Variants in LCA5L observed in about 807,000 individuals in gnomAD.
LCA5L encodes lebercilin LCA5 like.
In LCA5L, 35 loss-of-function variants were observed where a neutral mutation model predicts 45.4. The observed-to-expected ratio is 0.77, with a 90% CI of 0.59 to 1.02. LCA5L has a LOEUF of 1.02. Among genes scored for constraint, LCA5L ranks in the 50% least tolerant of loss-of-function variants. The pLI, the probability that LCA5L is intolerant of heterozygous loss-of-function variation, is 0.00. For synonymous variants in LCA5L, 233 were observed against 264.7 expected, an observed-to-expected ratio of 0.88 and a Z score of 1.16; for missense variants, 668 against 761.6, an observed-to-expected ratio of 0.88 and a Z score of 1.45.
chr21:39,416,317 C>T (rs1028451451), intron 7 of LCA5L, among the ~76,000 whole-genome samples: 2 of 152,182 alleles, frequency 1.3e-5, no homozygotes, highest in Admixed American at 1.3e-4. Flanking sequence ...TAAGTTTTAA[C>T]CTGGGCAGTT....
chr21:39,411,175 A>G, intron 8 of LCA5L: 1 of 273,518 alleles, frequency 3.7e-6, no homozygotes, highest in South Asian at 3.7e-5. Flanking sequence ...AACCTAGGCT[A>G]TTGTGACCAA....
chr21:39,420,949 C>A, intron 6 of LCA5L, 106 bp from the exon 7 acceptor site: 1 of 835,374 alleles, frequency 1.2e-6, no homozygotes, highest in East Asian at 2.6e-5. Context: ...ATTTTCAATA[C>A]AATTTTAGTG....
chr21:39,434,270 G>A (rs187398566), intron 3 of LCA5L, among the ~76,000 whole-genome samples: 1 of 152,098 alleles, frequency 6.6e-6, no homozygotes, highest in Admixed American at 6.5e-5. Context: ...CCTGAATGCA[G>A]GTATCAAGTA....
chr21:39,408,258 G>A (rs926532616), intron 10 of LCA5L, among the ~76,000 whole-genome samples: 6 of 152,150 alleles, frequency 3.9e-5, no homozygotes, highest in African/African-American at 1.4e-4. Flanking sequence ...TCAAGTGTAA[G>A]GGCAGAATAA....
At chr21:39,445,139 T>C (rs1307747491) in intron 1 of LCA5L, among the ~76,000 whole-genome samples, 1 of 151,870 alleles carries the variant, frequency 6.6e-6, no homozygotes, top group Non-Finnish European at 1.5e-5. Flanking sequence ...GGCTTAAGTG[T>C]GGCAACGAAA....
rs59061269 is a variant in LCA5L, at chr21:39,424,085, T to A, written c.323-595A>T. Among the ~76,000 whole-genome samples, 1,459 of 152,234 alleles carry A rather than the reference T, an allele frequency of 9.6e-3. 28 individuals carry two copies. The highest frequency in any genetic ancestry group is 0.033 in the African/African-American group (1,388 of 41,548). ...TGGAGTGTAGTGGTGCAACCTTGGC[T>A]CACTGCAACCTCTGCATCCCGGGTT... is the stretch of plus-strand genomic sequence containing the variant. On this transcript the variant is annotated intron_variant, in intron 5 of 10. Transcript: ENST00000288350.
chr21:39,444,949 G>T (rs2077288985), intron 1 of LCA5L, among the ~76,000 whole-genome samples: 1 of 152,128 alleles, frequency 6.6e-6, no homozygotes, highest in Non-Finnish European at 1.5e-5. Flanking sequence ...CTAAATGCAG[G>T]GATCTGGTGT....
At chr21:39,418,318 T>C (rs1213640038) in intron 7 of LCA5L, among the ~76,000 whole-genome samples, 2 of 152,136 alleles carry the variant, frequency 1.3e-5, no homozygotes, top group East Asian at 1.9e-4. Context: ...TATTCCATAG[T>C]AGTACATCAA....
chr21:39,421,778 G>A lies in LCA5L; in HGVS notation c.838-935C>T, dbSNP rs145661880. 60 of 152,286 alleles carry A rather than the reference G, an allele frequency of 3.9e-4. No homozygotes were observed. In the East Asian group the frequency reaches 9.1e-3, roughly 23 times the overall value. The allele number at this position is 152,286 out of a possible 1,614,324, so 9.4% of individuals were successfully genotyped here. On this transcript the variant is annotated intron_variant, in intron 6 of 10. Transcript: ENST00000288350. ...AAATACCACTCCCTAAAACATTAAT[G>A]TTAAAGAAATAACATGTTTTGGTCC...
chr21:39,444,918 A>G (rs1276458747), intron 1 of LCA5L, among the ~76,000 whole-genome samples: 5 of 152,072 alleles, frequency 3.3e-5, no homozygotes, highest in Non-Finnish European at 7.3e-5. Context: ...GTAGACATCC[A>G]AGTAGGGATG....
At chr21:39,437,605 A>G (rs1196365920) in intron 2 of LCA5L, among the ~76,000 whole-genome samples, 3 of 152,070 alleles carry the variant, frequency 2.0e-5, no homozygotes, top group East Asian at 3.9e-4. Flanking sequence ...GACTACAGGC[A>G]CGTGCCACCA....
intron 8 of LCA5L, chr21:39,411,233 A>AG (rs2147196935): frequency 4.5e-6 from 1 of 223,048 alleles, no homozygotes; most frequent in Admixed American, 5.4e-5. Context: ...TACTGACTGC[A>AG]GGGGACACGA....
At chr21:39,410,627 G>C (rs184835260) in intron 8 of LCA5L, among the ~76,000 whole-genome samples, 2 of 152,272 alleles carry the variant, frequency 1.3e-5, no homozygotes, top group East Asian at 3.9e-4. Context: ...TGGAGGACAA[G>C]GCTGTCCTTT....
rs1412218139 is a variant in LCA5L, at chr21:39,409,117, A to G, written c.1282+862T>C. On this transcript the variant is annotated intron_variant, in intron 10 of 10. Transcript: ENST00000288350. This position sits in a 1 kb window ranked among gnomAD's most constrained non-coding sequence, Gnocchi z 4.2. ...AGATCACAAGGTTGGGGCCTTCATGACGGAATTAGTGTCCTTATAAAAAGA... is the reference window on the plus strand; with the variant it reads ...AGATCACAAGGTTGGGGCCTTCATGGCGGAATTAGTGTCCTTATAAAAAGA... 2.0e-5 allele frequency among the ~76,000 whole-genome samples: 3 copies of G among 152,276 alleles called. No homozygotes were observed. Among genetic ancestry groups the G allele is most frequent in the African/African-American group, 7.2e-5 (3 of 41,574 alleles).
chr21:39,410,498 T>C, intron 8 of LCA5L, 131 bp from the exon 9 acceptor site: 1 of 550,638 alleles, frequency 1.8e-6, no homozygotes, highest in Non-Finnish European at 3.1e-6. Flanking sequence ...ATTCAATATA[T>C]ATATAAGCAT....
Position 39,423,001 on chromosome 21 carries a change from A to AT in LCA5L, c.811dup (p.Met271AsnfsTer5), listed in dbSNP as rs753313177. The AT allele has an allele frequency of 1.9e-6, 3 of 1,613,492 alleles. No homozygotes were observed. The South Asian group carries it at 3.3e-5, about 18-fold the overall frequency. ...CTGTATTTTTTTGTCATTTGCGTCC[A>AT]TTTTTGTTGTGATAATAGATAATTT... On this transcript the variant is annotated frameshift_variant, in exon 6 of 11. Transcript: ENST00000288350. LOFTEE classifies it high-confidence loss of function.
At chr21:39,412,815 G>A (rs1400243477) in intron 7 of LCA5L, among the ~76,000 whole-genome samples, 1 of 152,218 alleles carries the variant, frequency 6.6e-6, no homozygotes, top group Non-Finnish European at 1.5e-5. Context: ...TCATCATGGA[G>A]CTAAAGTAAC....
chr21:39,414,039 AAC>A (rs2147285498), intron 7 of LCA5L: 1 of 152,402 alleles, frequency 6.6e-6, no homozygotes, highest in Non-Finnish European at 1.5e-5. Context: ...CCAGAAGTCT[AAC>A]ACAGCCTGTT....
chr21:39,440,777 GA>G (rs983547593), intron 2 of LCA5L, among the ~76,000 whole-genome samples: 1 of 152,074 alleles, frequency 6.6e-6, no homozygotes, highest in African/African-American at 2.4e-5. Context: ...TGTCTGGTTA[GA>G]AAAAAACATC....
Sources: gnomAD v4.1 joint callset for allele counts (sites outside exome capture counted in the v4.1 genomes callset) on GRCh38, gnomAD v4.1.1 for gene constraint, Gnocchi (gnomAD v3.1) non-coding constraint, MANE v1.5 for transcripts, NCBI Gene and HGNC (gene_info 2026-07-23, HGNC 2026-07-21) for gene names.